CEP112: variants seen among roughly 807,000 people sequenced by gnomAD.
CEP112 encodes the protein centrosomal protein of 112 kDa.
CEP112 carries 127 observed loss-of-function variants against 153.0 expected under a neutral mutation model. That is an observed-to-expected ratio of 0.83 (90% confidence interval 0.72 to 0.96). The LOEUF is 0.96. CEP112 is among the 40% of genes least tolerant of loss of function. The pLI is 0.00. For missense variants in CEP112, 1,089 were observed against 1,101.2 expected, an observed-to-expected ratio of 0.99 and a Z score of 0.16; for synonymous variants, 358 against 374.4, an observed-to-expected ratio of 0.96 and a Z score of 0.51.
chr17:65,812,037 T>C (rs762538243), intron 21 of CEP112, among the ~76,000 whole-genome samples: 2 of 152,062 alleles, frequency 1.3e-5, no homozygotes, highest in Non-Finnish European at 1.5e-5. Flanking sequence ...GGAGTCTCAC[T>C]CCATTGCCCA....
intron 23 of CEP112, among the ~76,000 whole-genome samples, chr17:65,705,045 T>C (rs2048847140): frequency 6.6e-6 from 1 of 152,260 alleles, no homozygotes; most frequent in Admixed American, 6.5e-5. Context: ...CCTTTCAGTT[T>C]GATTTCTGAA....
At chr17:66,013,013 C>T (rs1457841113) in intron 16 of CEP112, among the ~76,000 whole-genome samples, 1 of 151,876 alleles carries the variant, frequency 6.6e-6, no homozygotes, top group Non-Finnish European at 1.5e-5. Flanking sequence ...GTTGATTCTA[C>T]TGTTAACACT....
At chr17:66,105,496 A>C (rs2068744503) in intron 6 of CEP112, among the ~76,000 whole-genome samples, 1 of 152,114 alleles carries the variant, frequency 6.6e-6, no homozygotes, top group Admixed American at 6.5e-5. Context: ...ACAGTAGCTT[A>C]ATGAAAACAC....
chr17:65,926,992 T>C (rs1272628534), intron 19 of CEP112, among the ~76,000 whole-genome samples: 1 of 152,156 alleles, frequency 6.6e-6, no homozygotes, highest in African/African-American at 2.4e-5. Flanking sequence ...TGAAATGTAA[T>C]CCCCAGTGTT....
At chr17:65,868,242 T>G (rs1269097698) in intron 20 of CEP112, among the ~76,000 whole-genome samples, 1 of 152,104 alleles carries the variant, frequency 6.6e-6, no homozygotes, top group Non-Finnish European at 1.5e-5. Context: ...CTCACACCTA[T>G]AATCCCAGCA....
At chr17:65,845,211 T>C (rs1423508540) in intron 21 of CEP112, among the ~76,000 whole-genome samples, 2 of 151,982 alleles carry the variant, frequency 1.3e-5, no homozygotes, top group East Asian at 3.9e-4. Context: ...CCCAGATACT[T>C]GGGAGGCTGA....
chr17:65,667,907 T>C (rs2046776796), intron 24 of CEP112, among the ~76,000 whole-genome samples: 1 of 151,396 alleles, frequency 6.6e-6, no homozygotes, highest in Non-Finnish European at 1.5e-5. Flanking sequence ...ACTTTTTTTT[T>C]TTTTTTCGAG....
In CEP112 at chr17:66,177,597, T is replaced by G. The variant is rs190202106; in HGVS notation, c.107-577A>C. Among the ~76,000 whole-genome samples the G allele has an allele frequency of 1.6e-3, 250 of 152,270 alleles. 1 individual carries two copies. The highest frequency in any genetic ancestry group is 5.7e-3 in the African/African-American group (235 of 41,552). ...GTTACAAACAATCCAATTATACTCT[T>G]AGTTATTTTTAAATATGCCATTAAA... On this transcript the variant is annotated intron_variant, in intron 2 of 26. Transcript: ENST00000535342.
chr17:65,754,476 G>A lies in CEP112; in HGVS notation c.2395-3752C>T, dbSNP rs1023105275. ...ATACAAAAATTAGCCAGGTGTGGTGGTGCATGCCTGTAATCCCAGCTACTT... is the reference window on the plus strand; with the variant it reads ...ATACAAAAATTAGCCAGGTGTGGTGATGCATGCCTGTAATCCCAGCTACTT... On this transcript the variant is annotated intron_variant, in intron 21 of 26. Transcript: ENST00000535342. Among the ~76,000 whole-genome samples the A allele has an allele frequency of 5.9e-5, 9 of 152,152 alleles. No homozygotes were observed. In the East Asian group the frequency reaches 7.7e-4, roughly 13 times the overall value.
intron 4 of CEP112, among the ~76,000 whole-genome samples, chr17:66,155,493 G>C (rs551457102): frequency 1.2e-4 from 19 of 152,006 alleles, no homozygotes; most frequent in African/African-American, 3.4e-4. Context: ...GATAGCTGTA[G>C]GAGGTTTTTT....
At chr17:66,186,893 G>A (rs938231586) in intron 1 of CEP112, among the ~76,000 whole-genome samples, 2 of 152,106 alleles carry the variant, frequency 1.3e-5, no homozygotes, top group African/African-American at 2.4e-5. Flanking sequence ...TAATAGTCAG[G>A]TGGTACCACC....
chr17:66,169,387 G>A (rs150871814), intron 4 of CEP112, among the ~76,000 whole-genome samples: 5,168 of 150,296 alleles, frequency 0.034, 131 homozygotes, highest in Middle Eastern at 0.062. Flanking sequence ...GGGTTCAAGC[G>A]ATTCTCCTGC....
At chr17:65,931,615 T>C (rs2061126265) in intron 18 of CEP112, among the ~76,000 whole-genome samples, 1 of 152,094 alleles carries the variant, frequency 6.6e-6, no homozygotes, top group Non-Finnish European at 1.5e-5. Context: ...TTCTGGCCAG[T>C]GGAGGCACCC....
At chr17:65,985,210 C>A (rs574358860) in intron 17 of CEP112, among the ~76,000 whole-genome samples, 9 of 152,046 alleles carry the variant, frequency 5.9e-5, no homozygotes, top group Middle Eastern at 3.4e-3. Context: ...GTTGAAAGGA[C>A]CAATGTAGTT....
chr17:65,767,769 A>G (rs1033646365), intron 21 of CEP112, among the ~76,000 whole-genome samples: 2 of 152,090 alleles, frequency 1.3e-5, no homozygotes, highest in Non-Finnish European at 2.9e-5. Context: ...ATAGTTGATC[A>G]TCTAGGGTAA....
chr17:65,879,447 T>A (rs578114338), intron 20 of CEP112, among the ~76,000 whole-genome samples: 1 of 152,368 alleles, frequency 6.6e-6, no homozygotes, highest in East Asian at 1.9e-4. Context: ...CCTTCAGACC[T>A]GTAAATTAAC....
chr17:65,865,283 C>G (rs1049772472), intron 20 of CEP112, among the ~76,000 whole-genome samples: 5 of 152,138 alleles, frequency 3.3e-5, no homozygotes, highest in African/African-American at 1.2e-4. Context: ...CTCAAGTGAT[C>G]TGCCCATCTT....
intron 11 of CEP112, among the ~76,000 whole-genome samples, chr17:66,059,632 T>C (rs2066842519): frequency 6.6e-6 from 1 of 152,050 alleles, no homozygotes; most frequent in African/African-American, 2.4e-5. Context: ...GGGTGTTATT[T>C]AAAAGATTAA....
At chr17:65,649,073 A>AACACACACACACACACACACACAC (rs71158400) in intron 24 of CEP112, among the ~76,000 whole-genome samples, 3 of 139,866 alleles carry the variant, frequency 2.1e-5, no homozygotes, top group Non-Finnish European at 3.2e-5. Flanking sequence ...CAAACAAACA[A>AACACACACACACACACACACACAC]ACACACACAC....
Sources: gnomAD v4.1 joint callset for allele counts (sites outside exome capture counted in the v4.1 genomes callset) on GRCh38, gnomAD v4.1.1 for gene constraint, MANE v1.5 for transcripts, NCBI Gene and HGNC (gene_info 2026-07-23, HGNC 2026-07-21) for gene names.